CRIM1: variants seen among roughly 807,000 people sequenced by gnomAD.
The protein encoded by CRIM1 is cysteine rich transmembrane BMP regulator 1.
Under a neutral mutation model 116.4 loss-of-function variants are expected in CRIM1, and 32 were observed. The observed-to-expected ratio is 0.27, with a 90% CI of 0.21 to 0.37. The LOEUF (loss-of-function observed/expected upper bound fraction) is 0.37, where lower values mean the gene tolerates loss of function less well. CRIM1 is among the 10% of genes least tolerant of loss of function. The probability of loss-of-function intolerance (pLI) is 1.00; values close to 1 mark genes in which losing one functional copy is unlikely to be tolerated. For missense variants in CRIM1, 1,331 were observed against 1,354.8 expected (o/e 0.98, Z 0.28); for synonymous variants, 590 against 509.2 (o/e 1.16, Z -2.13).
In CRIM1 at chr2:36,501,567, C is replaced by T. The variant is rs374088133; in HGVS notation, c.1501+2220C>T. ...AACCCCATCTCTACAAAAAAAAATA[C>T]AAAAGCTAGCCAGGCATGATAGCAA... On this transcript the variant is annotated intron_variant, in intron 8 of 16. Transcript: ENST00000280527. 7.9e-5 allele frequency among the ~76,000 whole-genome samples: 12 copies of T among 151,994 alleles called. No individual in the cohort carries two copies. In the East Asian group the frequency reaches 1.5e-3, roughly 20 times the overall value.
chr2:36,481,739 C>T (rs1352283065), intron 7 of CRIM1, among the ~76,000 whole-genome samples: 1 of 152,120 alleles, frequency 6.6e-6, no homozygotes, highest in Non-Finnish European at 1.5e-5. Context: ...GTATAGTTGC[C>T]ATTGTGTGGC....
At position 36,547,047 on chromosome 2, in the gene CRIM1, T is replaced by C; in HGVS notation, c.2810T>C (p.Leu937Pro). The change falls in exon 16 of 17, where the codon CTG (leucine) becomes CCG (proline). Residue 937 changes from leucine (L) to proline (P), a missense_variant. Transcript: ENST00000280527. ...NRLHPSEDSS[L>P]DSIASVVVPI... Reference sequence around the variant, plus strand: ...CTGCACCCAAGTGAAGATTCTTCACTGGACTCCATTGCCTCAGTTGTGGTT... The same window carrying C: ...CTGCACCCAAGTGAAGATTCTTCACCGGACTCCATTGCCTCAGTTGTGGTT... The C allele has an allele frequency of 6.2e-7, 1 of 1,612,688 alleles. No individual in the cohort carries two copies. The highest frequency in any genetic ancestry group is 8.5e-7 in the Non-Finnish European group (1 of 1,178,798).
At chr2:36,497,731 G>C (rs1680699097) in intron 7 of CRIM1, among the ~76,000 whole-genome samples, 7 of 152,176 alleles carry the variant, frequency 4.6e-5, no homozygotes. Context: ...TTTACTGGGA[G>C]AATGCTGATC....
chr2:36,515,017 T>G (rs1414283544), intron 11 of CRIM1, among the ~76,000 whole-genome samples: 2 of 152,244 alleles, frequency 1.3e-5, no homozygotes, highest in East Asian at 3.8e-4. Flanking sequence ...TTTTGCTAGT[T>G]AAGTGTGAAA....
At chr2:36,467,926 C>G (rs1290350416) in intron 5 of CRIM1, among the ~76,000 whole-genome samples, 1 of 152,204 alleles carries the variant, frequency 6.6e-6, no homozygotes, top group Admixed American at 6.5e-5. Flanking sequence ...TGAAGTTGAT[C>G]ATGTGCTTAA....
At chr2:36,472,136 G>T (rs1446659828) in intron 5 of CRIM1, among the ~76,000 whole-genome samples, 9 of 152,102 alleles carry the variant, frequency 5.9e-5, no homozygotes, top group Admixed American at 5.2e-4. Flanking sequence ...CACTAAAAAG[G>T]CACTTCTGTG....
intron 2 of CRIM1, among the ~76,000 whole-genome samples, chr2:36,400,786 G>A (rs907245279): frequency 1.3e-5 from 2 of 152,140 alleles, no homozygotes; most frequent in African/African-American, 4.8e-5. Context: ...ATGGGATTTG[G>A]GAGGGAGGCT....
chr2:36,493,203 G>A (rs1446535171), intron 7 of CRIM1, among the ~76,000 whole-genome samples: 1 of 151,966 alleles, frequency 6.6e-6, no homozygotes, highest in Non-Finnish European at 1.5e-5. Context: ...GAGGTCAGGA[G>A]TTCGAGACCA....
Position 36,549,166 on chromosome 2 carries a change from CAAAA to C in CRIM1, c.*468_*471del. 1 of 152,724 alleles carries C rather than the reference CAAAA, an allele frequency of 6.5e-6. No homozygotes were observed. The highest frequency in any genetic ancestry group is 1.5e-5 in the Non-Finnish European group (1 of 68,236). The allele number at this position is 152,724 out of a possible 1,614,324, so 9.5% of individuals were successfully genotyped here. ...AGCTCAGGCCTGAATGAGCAGGAAA[CAAAA>C]AAGGCCTTGCGACCCAGCTGCCATA... On this transcript the variant is annotated 3_prime_UTR_variant, in exon 17 of 17. Coordinates refer to ENST00000280527, the MANE Select transcript of CRIM1 (RefSeq NM_016441.3).
chr2:36,356,138 C>T lies in CRIM1; in HGVS notation c.-155C>T. On this transcript the variant is annotated 5_prime_UTR_variant, in exon 1 of 17. Transcript: ENST00000280527. This position sits in a 1 kb window ranked among gnomAD's most constrained non-coding sequence, Gnocchi z 4.3. ...CCGCAGAAGGGGCGGGGGCCTCGCCCCGCGAGGGGAGGCGCGCCCCGGGGG... is the reference window on the plus strand; with the variant it reads ...CCGCAGAAGGGGCGGGGGCCTCGCCTCGCGAGGGGAGGCGCGCCCCGGGGG... 5.8e-6 allele frequency: 1 copy of T among 171,192 alleles called. No individual in the cohort carries two copies. Among genetic ancestry groups the T allele is most frequent in the South Asian group, 1.8e-4 (1 of 5,542 alleles). 10.6% of individuals were successfully genotyped at this position (171,192 alleles called of 1,614,324 possible).
intron 9 of CRIM1, among the ~76,000 whole-genome samples, chr2:36,510,754 A>G (rs149241818): frequency 1.4e-4 from 22 of 152,240 alleles, no homozygotes; most frequent in African/African-American, 5.3e-4. Context: ...GGAAATAGAC[A>G]CTTCATATTT....
rs1295749757 is a variant in CRIM1, at chr2:36,546,995, C to T, written c.2758C>T (p.Leu920Phe). ...TTTTTTTCTCCTAGATATGGGTCAC[C>T]TCCAGGTAGATTACAGAGATAACAG... ...IVHLPRDMGH[L>F]QVDYRDNRLH... The change falls in exon 16 of 17, where the codon CTC (leucine) becomes TTC (phenylalanine). Residue 920 changes from leucine (L) to phenylalanine (F), a missense_variant. Transcript: ENST00000280527. The T allele has an allele frequency of 6.2e-7, 1 of 1,603,354 alleles. No individual in the cohort carries two copies. The highest frequency in any genetic ancestry group is 8.5e-7 in the Non-Finnish European group (1 of 1,172,716).
chr2:36,432,766 A>G (rs1165984586), intron 2 of CRIM1, among the ~76,000 whole-genome samples: 2 of 151,424 alleles, frequency 1.3e-5, no homozygotes, highest in African/African-American at 4.8e-5. Flanking sequence ...CATTGACTGC[A>G]GATTGGAGTC....
At chr2:36,458,462 T>C (rs906665870) in intron 4 of CRIM1, among the ~76,000 whole-genome samples, 3 of 152,208 alleles carry the variant, frequency 2.0e-5, no homozygotes, top group African/African-American at 7.2e-5. Context: ...ACCCTTGCGC[T>C]TAGTTATGTA....
intron 2 of CRIM1, among the ~76,000 whole-genome samples, chr2:36,417,593 A>G (rs1443423303): frequency 1.3e-5 from 2 of 152,200 alleles, no homozygotes; most frequent in East Asian, 3.9e-4. Flanking sequence ...CTTCAAAGCT[A>G]AAGACCTATC....
At chr2:36,519,627 A>T (rs764742121) in intron 12 of CRIM1, among the ~76,000 whole-genome samples, 1 of 152,226 alleles carries the variant, frequency 6.6e-6, no homozygotes, top group African/African-American at 2.4e-5. Flanking sequence ...CCCAAAAGTC[A>T]TAGCTCCACA....
intron 7 of CRIM1, among the ~76,000 whole-genome samples, chr2:36,488,795 C>G (rs1053378525): frequency 3.9e-5 from 6 of 152,082 alleles, no homozygotes; most frequent in African/African-American, 1.2e-4. Flanking sequence ...AGATGCAGTC[C>G]CAGGCTCCAG....
intron 1 of CRIM1, among the ~76,000 whole-genome samples, chr2:36,370,437 T>A (rs1322969566): frequency 6.6e-6 from 1 of 152,136 alleles, no homozygotes; most frequent in Non-Finnish European, 1.5e-5. Flanking sequence ...GTTTATTGAC[T>A]GTCTATTCAG....
Position 36,477,058 on chromosome 2 carries a change from C to T in CRIM1, c.1161C>T (p.Cys387=). ...ACTACGTGCCCGAAGGAGAGTGCTG[C>T]CCAGTGTGTGAAGGTAAGAAAAGGT... ...ERYYVPEGEC[C]PVCEDPVYPF... is the part of the protein sequence containing the mutation. The change falls in exon 6 of 17, where the codon TGC becomes TGT. Residue 387 remains cysteine (C), a synonymous_variant. Transcript: ENST00000280527. 6.2e-7 allele frequency: 1 copy of T among 1,611,488 alleles called. No homozygotes were observed. The highest frequency in any genetic ancestry group is 1.3e-5 in the African/African-American group (1 of 74,888).
Sources: allele counts gnomAD v4.1 joint callset (sites outside exome capture counted in the v4.1 genomes callset), GRCh38; gene constraint gnomAD v4.1.1; non-coding constraint Gnocchi (gnomAD v3.1); transcripts MANE v1.5; gene names NCBI Gene and HGNC (gene_info 2026-07-23, HGNC 2026-07-21).